Variants in GARNL3 observed in about 807,000 individuals in gnomAD.
The protein encoded by GARNL3 is GTPase activating Rap/RanGAP domain like 3.
Under a neutral mutation model 125.0 loss-of-function variants are expected in GARNL3, and 63 were observed. The observed-to-expected ratio is 0.50, with a 90% CI of 0.41 to 0.62. GARNL3 has a LOEUF of 0.62. GARNL3 is among the 20% of genes least tolerant of loss of function. The pLI, the probability that GARNL3 is intolerant of heterozygous loss-of-function variation, is 0.00. For missense variants in GARNL3, 994 were observed against 1,244.0 expected, an observed-to-expected ratio of 0.80 and a Z score of 3.02; for synonymous variants, 439 against 457.5, an observed-to-expected ratio of 0.96 and a Z score of 0.52.
chr9:127,279,413 T>G (rs1024383820), intron 1 of GARNL3, among the ~76,000 whole-genome samples: 1 of 152,206 alleles, frequency 6.6e-6, no homozygotes, highest in African/African-American at 2.4e-5. Flanking sequence ...TGACTGTCTT[T>G]TCTTTCTTTT....
intron 7 of GARNL3, among the ~76,000 whole-genome samples, chr9:127,326,003 C>A (rs2065559511): frequency 6.6e-6 from 1 of 152,192 alleles, no homozygotes; most frequent in Non-Finnish European, 1.5e-5. Flanking sequence ...GGCCCCTCTA[C>A]CTCTCCAATC....
At chr9:127,355,104 T>C (rs1479634257) in intron 19 of GARNL3, among the ~76,000 whole-genome samples, 193 bp from the exon 20 acceptor site, 2 of 152,238 alleles carry the variant, frequency 1.3e-5, no homozygotes, top group African/African-American at 4.8e-5. Flanking sequence ...GGAATAGGAC[T>C]TTCTTAATTT....
chr9:127,369,118 T>TAAAAAAAAAAAAA (rs58643324), intron 22 of GARNL3: 1 of 126,780 alleles, frequency 7.9e-6, no homozygotes. Flanking sequence ...GGTGTTCAGT[T>TAAAAAAAAAAAAA]AAAAAAAAAA....
intron 9 of GARNL3, among the ~76,000 whole-genome samples, chr9:127,334,674 A>T (rs1375454192): frequency 1.3e-5 from 2 of 152,154 alleles, no homozygotes; most frequent in Non-Finnish European, 2.9e-5. Context: ...TGCAAATATA[A>T]TCTCATTGAG....
chr9:127,329,575 G>A (rs1426400369), intron 7 of GARNL3, among the ~76,000 whole-genome samples: 2 of 151,904 alleles, frequency 1.3e-5, no homozygotes, highest in Non-Finnish European at 2.9e-5. Flanking sequence ...GCAGGGGTAT[G>A]GTAGCATGGT....
intron 2 of GARNL3, among the ~76,000 whole-genome samples, chr9:127,257,881 A>G (rs2131234213): frequency 6.6e-6 from 1 of 152,362 alleles, no homozygotes; most frequent in East Asian, 1.9e-4. Context: ...ACATCAGGGC[A>G]TGGCGATGGC....
intron 24 of GARNL3, 111 bp from the exon 25 acceptor site, chr9:127,387,082 A>C: frequency 1.7e-6 from 2 of 1,170,528 alleles, no homozygotes; most frequent in Non-Finnish European, 2.4e-6. Context: ...ACTGCACTGT[A>C]TGCTCCAAGG....
chr9:127,331,255 G>A (rs1287274462), intron 7 of GARNL3, among the ~76,000 whole-genome samples: 1 of 152,164 alleles, frequency 6.6e-6, no homozygotes, highest in African/African-American at 2.4e-5. Context: ...TTGGGAGGCT[G>A]AGGCAGGTGG....
chr9:127,327,628 G>T (rs1322061324), intron 7 of GARNL3, among the ~76,000 whole-genome samples: 2 of 152,048 alleles, frequency 1.3e-5, no homozygotes, highest in Admixed American at 6.6e-5. Flanking sequence ...CCAACTCCTG[G>T]GTTCAAGTGA....
At chr9:127,296,622 C>G (rs997373261) in intron 2 of GARNL3, among the ~76,000 whole-genome samples, 1 of 151,882 alleles carries the variant, frequency 6.6e-6, no homozygotes, top group Non-Finnish European at 1.5e-5. Context: ...CAGGCACCCA[C>G]CATTGTATCC....
intron 13 of GARNL3, among the ~76,000 whole-genome samples, chr9:127,341,837 C>T (rs1426026710): frequency 6.6e-6 from 1 of 152,118 alleles, no homozygotes; most frequent in African/African-American, 2.4e-5. Context: ...CAGAAGAATG[C>T]AGGCTCAAGG....
At chr9:127,376,087 T>G (rs1831888946) in intron 22 of GARNL3, among the ~76,000 whole-genome samples, 1 of 152,158 alleles carries the variant, frequency 6.6e-6, no homozygotes, top group Non-Finnish European at 1.5e-5. Context: ...GCCTCCCAAG[T>G]AGGCTGGGAT....
At position 127,385,440 on chromosome 9, in the gene GARNL3, T is replaced by C. The variant is rs1832494278; in HGVS notation, c.2388+295T>C. ...CCCCGCTCAGAGACTGGGTCAGTTATTCATGTCACTGCTGCCCTGGAGGAC... is the reference window on the plus strand; with the variant it reads ...CCCCGCTCAGAGACTGGGTCAGTTACTCATGTCACTGCTGCCCTGGAGGAC... On this transcript the variant is annotated intron_variant, in intron 24 of 27. Coordinates refer to ENST00000373387, the MANE Select transcript of GARNL3 (RefSeq NM_032293.5). The surrounding 1 kb of genome is among the most constrained non-coding windows in gnomAD (Gnocchi z 4.1). 2.0e-5 allele frequency among the ~76,000 whole-genome samples: 3 copies of C among 152,196 alleles called. No homozygotes were observed. In the South Asian group the frequency reaches 6.2e-4, roughly 32 times the overall value.
At chr9:127,332,924 G>A (rs1015888555) in intron 8 of GARNL3, 99 bp from the exon 9 acceptor site, 24 of 826,030 alleles carry the variant, frequency 2.9e-5, no homozygotes, top group African/African-American at 1.7e-4. Flanking sequence ...TGCATGAATC[G>A]GCAGAGCCCA....
chr9:127,380,103 C>A (rs1349160180), intron 22 of GARNL3, among the ~76,000 whole-genome samples: 1 of 151,886 alleles, frequency 6.6e-6, no homozygotes, highest in African/African-American at 2.4e-5. Flanking sequence ...TGCTTGAACC[C>A]AAGAGGCAGA....
At chr9:127,231,050 A>ATTTT (rs71308298) in intron 1 of GARNL3, among the ~76,000 whole-genome samples, 17 of 89,574 alleles carry the variant, frequency 1.9e-4, no homozygotes, top group East Asian at 5.8e-4. Flanking sequence ...ATATATATAT[A>ATTTT]TTTTTTTTTT....
At chr9:127,293,407 G>T (rs1243015708) in intron 2 of GARNL3, among the ~76,000 whole-genome samples, 1 of 152,028 alleles carries the variant, frequency 6.6e-6, no homozygotes, top group Non-Finnish European at 1.5e-5. Context: ...TATTCTGTGG[G>T]TTATCTTTTC....
chr9:127,296,795 T>C (rs1048897771), intron 2 of GARNL3, among the ~76,000 whole-genome samples: 3 of 152,026 alleles, frequency 2.0e-5, no homozygotes, highest in African/African-American at 4.8e-5. Flanking sequence ...AATTAAATCA[T>C]TGGCCATGGA....
At chr9:127,291,144 A>G in intron 1 of GARNL3, 24 bp from the exon 2 acceptor site, 2 of 1,609,774 alleles carry the variant, frequency 1.2e-6, no homozygotes, top group African/African-American at 2.7e-5. Flanking sequence ...AATGCTTCCT[A>G]ATTGAATGCT....
Sources: gnomAD v4.1 joint callset for allele counts (sites outside exome capture counted in the v4.1 genomes callset) on GRCh38, gnomAD v4.1.1 for gene constraint, Gnocchi (gnomAD v3.1) non-coding constraint, MANE v1.5 for transcripts, NCBI Gene and HGNC (gene_info 2026-07-23, HGNC 2026-07-21) for gene names.